MCC: variants seen among roughly 807,000 people sequenced by gnomAD.
The protein encoded by MCC is colorectal mutant cancer protein.
Under a neutral mutation model 116.2 loss-of-function variants are expected in MCC, and 90 were observed. That is an observed-to-expected ratio of 0.77 (90% CI 0.65 to 0.92). The LOEUF (loss-of-function observed/expected upper bound fraction) is 0.92, where lower values mean the gene tolerates loss of function less well. Among genes scored for constraint, MCC ranks in the 40% least tolerant of loss-of-function variants. The pLI, the probability that MCC is intolerant of heterozygous loss-of-function variation, is 0.00. For missense variants in MCC, 1,516 were observed against 1,312.2 expected, an observed-to-expected ratio of 1.16 and a Z score of -2.40; for synonymous variants, 578 against 510.5, an observed-to-expected ratio of 1.13 and a Z score of -1.78.
intron 13 of MCC, among the ~76,000 whole-genome samples, chr5:113,065,347 A>T (rs1166731248): frequency 6.6e-6 from 1 of 152,164 alleles, no homozygotes; most frequent in Admixed American, 6.5e-5. Flanking sequence ...GTGAACCTAA[A>T]ACTGCTCTAA....
In MCC at chr5:113,024,296, T is replaced by A. The variant is rs1364484030; in HGVS notation, c.*3006A>T. 1 of 152,240 alleles carries A rather than the reference T, an allele frequency of 6.6e-6. No homozygotes were observed. Among genetic ancestry groups the A allele is most frequent in the African/African-American group, 2.4e-5 (1 of 41,468 alleles). The allele number at this position is 152,240 out of a possible 1,614,324, so 9.4% of individuals were successfully genotyped here. A position where few individuals can be genotyped will look rare whatever the true frequency, so the allele number is the denominator to read the frequency against. On this transcript the variant is annotated 3_prime_UTR_variant, in exon 19 of 19. Transcript: ENST00000408903. ...TTCAGAACGCTGACAAGCCAGCCGA[T>A]GAGGATGAAAGTTTCAATAAGGAAT...
At chr5:113,294,235 A>G (rs1766625832) in intron 3 of MCC, 1 of 1,474,824 alleles carries the variant, frequency 6.8e-7, no homozygotes, top group East Asian at 2.3e-5. Flanking sequence ...ACAGGGGGAT[A>G]GGGTGTAGGG....
chr5:113,268,914 G>A (rs1822487), intron 3 of MCC, among the ~76,000 whole-genome samples: 41 of 152,230 alleles, frequency 2.7e-4, no homozygotes, highest in African/African-American at 8.7e-4. Context: ...CAGGACACAC[G>A]ACAGGAATAT....
chr5:113,452,218 C>T (rs934817835), intron 1 of MCC, among the ~76,000 whole-genome samples: 1 of 152,200 alleles, frequency 6.6e-6, no homozygotes, highest in Admixed American at 6.5e-5. Flanking sequence ...TAGGGTCAAC[C>T]AGATTCCAGG....
intron 3 of MCC, among the ~76,000 whole-genome samples, chr5:113,201,971 C>A (rs1246676797): frequency 1.3e-5 from 2 of 152,174 alleles, no homozygotes; most frequent in Admixed American, 1.3e-4. Context: ...GACCCCACAA[C>A]CCCATTTTCA....
intron 1 of MCC, among the ~76,000 whole-genome samples, chr5:113,486,810 C>T (rs1048425408): frequency 6.6e-6 from 1 of 151,110 alleles, no homozygotes. Flanking sequence ...CCACTGTACT[C>T]CAGCCTGGGT....
intron 5 of MCC, among the ~76,000 whole-genome samples, chr5:113,126,758 G>T (rs902855556): frequency 6.6e-6 from 1 of 152,160 alleles, no homozygotes; most frequent in African/African-American, 2.4e-5. Flanking sequence ...TATCCGTAAG[G>T]CTTCAAGTCA....
At chr5:113,181,038 A>C (rs182880242) in intron 3 of MCC, among the ~76,000 whole-genome samples, 221 of 152,316 alleles carry the variant, frequency 1.5e-3, no homozygotes, top group Non-Finnish European at 2.6e-3. Context: ...TCAATGTTGC[A>C]ATGCCCTAAA....
chr5:113,111,176 C>A (rs1047864361), intron 6 of MCC, among the ~76,000 whole-genome samples: 1 of 152,204 alleles, frequency 6.6e-6, no homozygotes, highest in Non-Finnish European at 1.5e-5. Flanking sequence ...GGCAGGTCCT[C>A]AAATAACATT....
chr5:113,428,308 C>G (rs1770535390), intron 1 of MCC, among the ~76,000 whole-genome samples: 1 of 152,124 alleles, frequency 6.6e-6, no homozygotes, highest in Non-Finnish European at 1.5e-5. Context: ...CACCCTTATT[C>G]CCTGTAGTGG....
intron 3 of MCC, among the ~76,000 whole-genome samples, chr5:113,195,594 G>A (rs909935439): frequency 1.3e-5 from 2 of 152,100 alleles, no homozygotes; most frequent in Non-Finnish European, 2.9e-5. Context: ...ACAGCCATGG[G>A]CCTGAGAAAG....
At chr5:113,122,103 C>T (rs996449439) in intron 6 of MCC, among the ~76,000 whole-genome samples, 1 of 152,168 alleles carries the variant, frequency 6.6e-6, no homozygotes, top group African/African-American at 2.4e-5. Flanking sequence ...ATTTCAAGAC[C>T]CAACAGTAGG....
At chr5:113,093,220 G>C (rs1242093798) in intron 8 of MCC, among the ~76,000 whole-genome samples, 1 of 152,158 alleles carries the variant, frequency 6.6e-6, no homozygotes, top group Non-Finnish European at 1.5e-5. Context: ...TTAAAAGAGG[G>C]ACCAGTGAAT....
intron 5 of MCC, among the ~76,000 whole-genome samples, chr5:113,136,559 G>T (rs1758839531): frequency 6.6e-6 from 1 of 152,074 alleles, no homozygotes; most frequent in East Asian, 1.9e-4. Flanking sequence ...AGGAGTGCAA[G>T]CAAGGAATCA....
At chr5:113,476,643 G>A (rs749212315) in intron 1 of MCC, among the ~76,000 whole-genome samples, 1 of 152,006 alleles carries the variant, frequency 6.6e-6, no homozygotes, top group South Asian at 2.1e-4. Context: ...ACTTTTTAGC[G>A]ACAATATCAA....
At chr5:113,214,025 A>G (rs142021566) in intron 3 of MCC, among the ~76,000 whole-genome samples, 300 of 152,292 alleles carry the variant, frequency 2.0e-3, no homozygotes, top group African/African-American at 7.1e-3. Flanking sequence ...TGTAGGACTG[A>G]TGTTTTTTGC....
At chr5:113,147,872 G>C (rs1477631664) in intron 4 of MCC, among the ~76,000 whole-genome samples, 1 of 152,116 alleles carries the variant, frequency 6.6e-6, no homozygotes, top group East Asian at 1.9e-4. Flanking sequence ...CAGAAAACAA[G>C]AGAAAAAGAA....
intron 3 of MCC, among the ~76,000 whole-genome samples, chr5:113,334,523 A>G (rs1001851214): frequency 6.6e-6 from 1 of 150,558 alleles, no homozygotes; most frequent in Non-Finnish European, 1.5e-5. Flanking sequence ...ATATATATTT[A>G]CAATACACAT....
At chr5:113,394,608 C>T (rs1769480726) in intron 1 of MCC, among the ~76,000 whole-genome samples, 2 of 152,168 alleles carry the variant, frequency 1.3e-5, no homozygotes, top group South Asian at 4.1e-4. Flanking sequence ...TGTCCCTCTG[C>T]TCAGAACATC....
Sources: allele counts gnomAD v4.1 joint callset (sites outside exome capture counted in the v4.1 genomes callset), GRCh38; gene constraint gnomAD v4.1.1; transcripts MANE v1.5; gene names NCBI Gene and HGNC (gene_info 2026-07-23, HGNC 2026-07-21).